MGME1: variants seen among roughly 807,000 people sequenced by gnomAD.
MGME1 encodes chromosome 20 open reading frame 72.
In MGME1, 22 loss-of-function variants were observed where a neutral mutation model predicts 33.0. That is an observed-to-expected ratio of 0.67 (90% CI 0.48 to 0.95). The LOEUF (loss-of-function observed/expected upper bound fraction) is 0.95, where lower values mean the gene tolerates loss of function less well. MGME1 is among the 40% of genes least tolerant of loss of function. The pLI is 0.00. For missense variants in MGME1, 383 were observed against 397.8 expected (o/e 0.96, Z 0.32); for synonymous variants, 133 against 144.0 (o/e 0.92, Z 0.55).
intron 2 of MGME1, chr20:17,972,846 A>G: frequency 1.1e-6 from 1 of 900,996 alleles, no homozygotes; most frequent in Non-Finnish European, 1.3e-6. Context: ...TGCTTCATTA[A>G]CCTAGTGTGT....
intron 3 of MGME1, among the ~76,000 whole-genome samples, chr20:17,985,905 T>A (rs181154756): frequency 6.6e-6 from 1 of 152,210 alleles, no homozygotes; most frequent in Non-Finnish European, 1.5e-5. Context: ...TCAGGACATA[T>A]CCCTGTCATT....
intron 3 of MGME1, among the ~76,000 whole-genome samples, chr20:17,985,616 G>A (rs1202385708): frequency 6.6e-6 from 1 of 152,192 alleles, no homozygotes; most frequent in East Asian, 1.9e-4. Context: ...ATCACCCAGA[G>A]CAACTTCTAG....
At chr20:17,973,111 G>A (rs1041510878) in intron 2 of MGME1, among the ~76,000 whole-genome samples, 1 of 151,454 alleles carries the variant, frequency 6.6e-6, no homozygotes, top group African/African-American at 2.4e-5. Flanking sequence ...TTGGGAGGCC[G>A]AAGCAGGCGG....
chr20:17,968,801 T>C (rs1451436691), upstream of MGME1: 2 of 263,126 alleles, frequency 7.6e-6, no homozygotes, highest in East Asian at 8.5e-5. Context: ...AAAGACCGCG[T>C]TTCGGTGCGG....
chr20:17,985,128 T>C (rs911389616), intron 3 of MGME1, among the ~76,000 whole-genome samples: 4 of 147,996 alleles, frequency 2.7e-5, no homozygotes, highest in Middle Eastern at 3.5e-3. Context: ...CAAGAGTCAA[T>C]AAATTAAAGA....
intron 3 of MGME1, among the ~76,000 whole-genome samples, chr20:17,976,947 C>T (rs1418760887): frequency 6.6e-6 from 1 of 152,028 alleles, no homozygotes; most frequent in African/African-American, 2.4e-5. Flanking sequence ...AGGCATGAGC[C>T]ACCACGCCCG....
Position 17,970,258 on chromosome 20 carries a change from G to C in MGME1, c.399G>C (p.Val133=). The change falls in exon 2 of 5, where the codon GTG becomes GTC. Residue 133 remains valine (V), a synonymous_variant. Transcript: ENST00000377710. The part of the protein sequence containing the change: ...IPLQRNVIPS[V]TRVLQQTMTK... ...TGCAAAGGAATGTGATACCAAGTGT[G>C]ACCCGAGTCCTTCAGCAGACCATGA... 1 of 1,614,222 alleles carries C rather than the reference G, an allele frequency of 6.2e-7. No individual in the cohort carries two copies. The highest frequency in any genetic ancestry group is 8.5e-7 in the Non-Finnish European group (1 of 1,180,044).
chr20:17,972,158 A>G (rs1178788075), intron 2 of MGME1, among the ~76,000 whole-genome samples: 1 of 152,218 alleles, frequency 6.6e-6, no homozygotes, highest in Non-Finnish European at 1.5e-5. Flanking sequence ...ACGGGTCTGG[A>G]GGATACTGGA....
chr20:17,984,051 T>C (rs1568614748), intron 3 of MGME1, among the ~76,000 whole-genome samples: 1 of 152,196 alleles, frequency 6.6e-6, no homozygotes. Context: ...CTAGTAGTTT[T>C]ACAGTTTCAG....
intron 3 of MGME1, among the ~76,000 whole-genome samples, chr20:17,984,197 A>C (rs2036100092): frequency 6.6e-6 from 1 of 152,166 alleles, no homozygotes; most frequent in Admixed American, 6.5e-5. Context: ...CCTTTATTGA[A>C]AATCAATTGA....
At chr20:17,975,281 G>A (rs141939242) in intron 2 of MGME1, among the ~76,000 whole-genome samples, 297 of 152,010 alleles carry the variant, frequency 2.0e-3, no homozygotes, top group African/African-American at 6.9e-3. Flanking sequence ...ATTTTTGGCC[G>A]GGCACGGTGG....
Position 17,990,414 on chromosome 20 carries a change from G to GGC in MGME1, c.*306_*307insCG, listed in dbSNP as rs2036270588. ...TTGTACTCCCTTGAGGGACATTGGGGGGGGGGGGGCGTGGTCCCAGGCAGG... is the reference window on the plus strand; with the variant it reads ...TTGTACTCCCTTGAGGGACATTGGGGGCGGGGGGGGGCGTGGTCCCAGGCAGG... On this transcript the variant is annotated 3_prime_UTR_variant, in exon 5 of 5. Transcript: ENST00000377710. 2 of 352,552 alleles carry GGC rather than the reference G, an allele frequency of 5.7e-6. No individual in the cohort carries two copies. Among genetic ancestry groups the GGC allele is most frequent in the Admixed American group, 4.6e-5 (1 of 21,792 alleles). 21.8% of individuals were successfully genotyped at this position (352,552 alleles called of 1,614,324 possible).
intron 3 of MGME1, among the ~76,000 whole-genome samples, chr20:17,984,329 A>T (rs966393850): frequency 6.6e-6 from 1 of 152,140 alleles, no homozygotes; most frequent in African/African-American, 2.4e-5. Context: ...GCCATGTTCC[A>T]CATAACAATA....
In MGME1 at chr20:17,984,987, A is replaced by G. The variant is rs2036117934; in HGVS notation, c.732-3179A>G. On this transcript the variant is annotated intron_variant, in intron 3 of 4. Coordinates refer to ENST00000377710, the MANE Select transcript of MGME1 (RefSeq NM_052865.4). The stretch of plus-strand genomic sequence containing the variant: ...GGGAGGTGGGGGTTGCAGTGAACCA[A>G]GGTTGCACCACTGCACTCCAGCCTG... Among the ~76,000 whole-genome samples, 5 of 149,582 alleles carry G rather than the reference A, an allele frequency of 3.3e-5. No homozygotes were observed. In the South Asian group the frequency reaches 1.1e-3, roughly 31 times the overall value.
At chr20:17,988,018 C>G in intron 3 of MGME1, 148 bp from the exon 4 acceptor site, 3 of 707,158 alleles carry the variant, frequency 4.2e-6, no homozygotes, top group Non-Finnish European at 4.3e-6. Flanking sequence ...GAAACCCCAT[C>G]TCTTTTTTAA....
Position 17,975,701 on chromosome 20 carries a change from A to G in MGME1, c.529A>G (p.Lys177Glu). 6.2e-7 allele frequency: 1 copy of G among 1,613,626 alleles called. No individual in the cohort carries two copies. The highest frequency in any genetic ancestry group is 8.5e-7 in the Non-Finnish European group (1 of 1,179,658). Residue 177 changes from lysine (K) to glutamate (E), a missense_variant, in exon 3 of 5, where the codon AAA becomes GAA. By Grantham distance (56) the Lys-to-Glu change is moderately conservative. Transcript: ENST00000377710. ...CTTTTCAGACGTCTTTTTACAAGGG[A>G]AACGGTTCCACGAAGCCTTGGAAAG... ...EYTSNVFLQG[K>E]RFHEALESIL...
At chr20:17,978,950 G>C (rs1400634808) in intron 3 of MGME1, among the ~76,000 whole-genome samples, 1 of 151,436 alleles carries the variant, frequency 6.6e-6, no homozygotes, top group Non-Finnish European at 1.5e-5. Flanking sequence ...CTAATTTTTT[G>C]TGTTTTTAGT....
intron 3 of MGME1, among the ~76,000 whole-genome samples, chr20:17,981,953 C>G (rs2036034229): frequency 6.6e-6 from 1 of 150,578 alleles, no homozygotes; most frequent in Non-Finnish European, 1.5e-5. Flanking sequence ...GCACCTGGCC[C>G]TACTTCTCTC....
At chr20:17,968,769 T>G (rs548223667), upstream of MGME1, 3 of 334,602 alleles carry the variant, frequency 9.0e-6, no homozygotes, top group Non-Finnish European at 1.7e-5. Context: ...ACGGACACTC[T>G]CCCAGCAAGA....
Sources: allele counts gnomAD v4.1 joint callset (sites outside exome capture counted in the v4.1 genomes callset), GRCh38; gene constraint gnomAD v4.1.1; transcripts MANE v1.5; gene names NCBI Gene and HGNC (gene_info 2026-07-23, HGNC 2026-07-21).